Variants in TTC39B observed in about 807,000 individuals in gnomAD.
TTC39B encodes the protein tetratricopeptide repeat protein 39B.
TTC39B carries 92 observed loss-of-function variants against 96.6 expected under a neutral mutation model. The ratio of observed to expected loss-of-function variants is 0.95; its 90% CI spans 0.80 to 1.13. The LOEUF (loss-of-function observed/expected upper bound fraction) is 1.13. Among genes scored for constraint, TTC39B ranks in the 50% most tolerant of loss-of-function variants. TTC39B has a pLI of 0.00. For missense variants in TTC39B, 955 were observed against 809.3 expected (o/e 1.18, Z -2.18); for synonymous variants, 367 against 299.4 (o/e 1.23, Z -2.33).
At chr9:15,296,692 A>C (rs1824391633) in intron 1 of TTC39B, among the ~76,000 whole-genome samples, 1 of 152,128 alleles carries the variant, frequency 6.6e-6, no homozygotes, top group Non-Finnish European at 1.5e-5. Context: ...ACTGGGTTTC[A>C]CCATGGTGGC....
intron 14 of TTC39B, among the ~76,000 whole-genome samples, chr9:15,187,734 A>G (rs561636371): frequency 4.6e-5 from 7 of 152,376 alleles, no homozygotes; most frequent in African/African-American, 1.7e-4. Context: ...GGCTGGGATT[A>G]CAGGCATGGG....
chr9:15,216,317 G>A (rs1337494369), intron 3 of TTC39B, among the ~76,000 whole-genome samples: 1 of 152,164 alleles, frequency 6.6e-6, no homozygotes, highest in African/African-American at 2.4e-5. Context: ...TATGTTGAGT[G>A]GTAAATGGGT....
chr9:15,182,835 G>A (rs2118635089), intron 16 of TTC39B, among the ~76,000 whole-genome samples: 1 of 152,222 alleles, frequency 6.6e-6, no homozygotes, highest in Non-Finnish European at 1.5e-5. Flanking sequence ...ATAAACACTG[G>A]AATATTTCAC....
Position 15,207,870 on chromosome 9 carries a change from G to C in TTC39B, c.691+2218C>G, listed in dbSNP as rs566195925. The stretch of plus-strand genomic sequence containing the variant: ...GTGGTGGCGGGCACCTGTAATCCCA[G>C]CTACTCGGGAGGCTGAGGCAGAAGA... On this transcript the variant is annotated intron_variant, in intron 6 of 19. Coordinates refer to ENST00000512701, the Ensembl canonical transcript of TTC39B. 6.9e-3 allele frequency among the ~76,000 whole-genome samples: 1,031 copies of C among 149,832 alleles called. 14 individuals carry two copies. Among genetic ancestry groups the C allele is most frequent in the African/African-American group, 0.024 (971 of 40,678 alleles).
At chr9:15,257,755 T>C (rs538199919) in intron 2 of TTC39B, among the ~76,000 whole-genome samples, 2 of 150,774 alleles carry the variant, frequency 1.3e-5, no homozygotes, top group African/African-American at 4.8e-5. Flanking sequence ...ACGCAAATTA[T>C]CTTATTTTTA....
At chr9:15,195,723 A>G (rs953562087) in intron 8 of TTC39B, among the ~76,000 whole-genome samples, 1 of 151,416 alleles carries the variant, frequency 6.6e-6, no homozygotes, top group Non-Finnish European at 1.5e-5. Context: ...GTGCTTATGT[A>G]GAAGCTGTAG....
chr9:15,271,164 G>A (rs1823337505), intron 1 of TTC39B, among the ~76,000 whole-genome samples: 1 of 152,088 alleles, frequency 6.6e-6, no homozygotes, highest in Non-Finnish European at 1.5e-5. Context: ...AGATGAAGGG[G>A]TGCCATATCC....
chr9:15,185,323 G>C (rs542244248), exon 16 of TTC39B: 1 of 1,613,852 alleles, frequency 6.2e-7, no homozygotes, highest in African/African-American at 1.3e-5. Context: ...TAAGGAGGCG[G>C]AGTAACGCCG....
intron 1 of TTC39B, among the ~76,000 whole-genome samples, chr9:15,272,700 C>G (rs1456257314): frequency 6.6e-6 from 1 of 152,312 alleles, no homozygotes; most frequent in East Asian, 1.9e-4. Context: ...AAGCACCATT[C>G]TATTCTTTAT....
chr9:15,287,477 A>T (rs1019558902), intron 1 of TTC39B, among the ~76,000 whole-genome samples: 5 of 152,230 alleles, frequency 3.3e-5, no homozygotes, highest in Non-Finnish European at 5.9e-5. Context: ...AAGAGATAAG[A>T]GTTCATTAGG....
Position 15,185,040 on chromosome 9 carries a change from A to T in TTC39B, c.1614+240T>A, listed in dbSNP as rs114387650. On this transcript the variant is annotated intron_variant, in intron 16 of 19. Coordinates refer to ENST00000512701, the Ensembl canonical transcript of TTC39B. The stretch of plus-strand genomic sequence containing the variant: ...AGTTAACTATACTCAAAAAGTTATA[A>T]GAATAAAATGATACGTTTTTAGTAG... 5.2e-3 allele frequency among the ~76,000 whole-genome samples: 788 copies of T among 152,364 alleles called. 9 individuals carry two copies. Among genetic ancestry groups the T allele is most frequent in the African/African-American group, 0.018 (740 of 41,584 alleles).
exon 15 of TTC39B, chr9:15,187,027 A>G (rs746327956): frequency 3.7e-6 from 6 of 1,610,888 alleles, no homozygotes; most frequent in Admixed American, 1.7e-5. Context: ...TCAAGAACAC[A>G]TAAGTTGCCT....
Position 15,263,508 on chromosome 9 carries a change from C to G in TTC39B, c.275+4406G>C, listed in dbSNP as rs147978797. Among the ~76,000 whole-genome samples the G allele has an allele frequency of 3.4e-3, 511 of 152,300 alleles. 2 individuals are homozygous for G. Among genetic ancestry groups the G allele is most frequent in the South Asian group, 0.01 (50 of 4,828 alleles). Reference sequence around the variant, plus strand: ...ATGAAGGCAAAATGAAACCACACCGCTGTGCTTTGGAGTTTTATGGCTGTG... The same window carrying G: ...ATGAAGGCAAAATGAAACCACACCGGTGTGCTTTGGAGTTTTATGGCTGTG... On this transcript the variant is annotated intron_variant, in intron 2 of 19. Transcript: ENST00000512701.
chr9:15,239,105 T>G (rs1821919253), intron 2 of TTC39B, among the ~76,000 whole-genome samples: 1 of 151,912 alleles, frequency 6.6e-6, no homozygotes, highest in Non-Finnish European at 1.5e-5. Flanking sequence ...GCAAAAGGCC[T>G]GAACAGATAT....
chr9:15,262,043 G>A (rs529515599), intron 2 of TTC39B, among the ~76,000 whole-genome samples: 57 of 152,172 alleles, frequency 3.7e-4, no homozygotes, highest in African/African-American at 1.3e-3. Flanking sequence ...TCCTTATGCC[G>A]AACAGGTCAT....
chr9:15,191,976 G>A (rs1249570619), intron 9 of TTC39B, among the ~76,000 whole-genome samples: 2 of 152,112 alleles, frequency 1.3e-5, no homozygotes, highest in Non-Finnish European at 2.9e-5. Context: ...AGCAGAAGAG[G>A]ATTTTAACAA....
exon 20 of TTC39B, chr9:15,167,953 CACTG>C (rs1019668256): frequency 6.6e-6 from 1 of 152,150 alleles, no homozygotes; most frequent in African/African-American, 2.4e-5. Context: ...ATGCCAATGA[CACTG>C]ACCATCTGCA....
At chr9:15,204,302 G>C (rs968051134) in intron 6 of TTC39B, among the ~76,000 whole-genome samples, 2 of 152,106 alleles carry the variant, frequency 1.3e-5, no homozygotes, top group African/African-American at 4.8e-5. Flanking sequence ...GCCGAGGTGG[G>C]TGGATCACCT....
chr9:15,248,708 T>A (rs1474343017), intron 2 of TTC39B, among the ~76,000 whole-genome samples: 1 of 152,198 alleles, frequency 6.6e-6, no homozygotes, highest in African/African-American at 2.4e-5. Context: ...TCCTTCCTAA[T>A]TAAATTCAAA....
Sources: gnomAD v4.1 joint callset for allele counts (sites outside exome capture counted in the v4.1 genomes callset) on GRCh38, gnomAD v4.1.1 for gene constraint, MANE v1.5 for transcripts, NCBI Gene and HGNC (gene_info 2026-07-23, HGNC 2026-07-21) for gene names.